Variants in ANAPC10 observed in about 807,000 individuals in gnomAD.
ANAPC10 encodes the protein anaphase promoting complex subunit 10.
A neutral mutation model predicts 22.0 loss-of-function variants in ANAPC10; 12 were observed. The ratio of observed to expected loss-of-function variants is 0.55; its 90% confidence interval spans 0.35 to 0.88. The LOEUF (loss-of-function observed/expected upper bound fraction) is 0.88. ANAPC10 is among the 40% of genes least tolerant of loss of function. The probability of loss-of-function intolerance (pLI) is 0.01; values close to 1 mark genes in which losing one functional copy is unlikely to be tolerated. For missense variants in ANAPC10, 188 were observed against 220.9 expected, an observed-to-expected ratio of 0.85 and a Z score of 0.94; for synonymous variants, 65 against 69.5, an observed-to-expected ratio of 0.94 and a Z score of 0.32.
At chr4:145,024,176 T>C (rs1736336744) in intron 4 of ANAPC10, among the ~76,000 whole-genome samples, 1 of 152,188 alleles carries the variant, frequency 6.6e-6, no homozygotes. Context: ...TAATTCTAGT[T>C]CTCTTGCTAT....
At chr4:145,085,456 A>T (rs1269126107) in intron 2 of ANAPC10, among the ~76,000 whole-genome samples, 1 of 151,464 alleles carries the variant, frequency 6.6e-6, no homozygotes, top group East Asian at 1.9e-4. Context: ...TATTTTGGCT[A>T]CCTCAGCTAG....
chr4:145,087,739 G>C (rs1189194244), intron 2 of ANAPC10, among the ~76,000 whole-genome samples: 1 of 152,118 alleles, frequency 6.6e-6, no homozygotes, highest in Non-Finnish European at 1.5e-5. Context: ...ATAATATGAA[G>C]TATTAGTACA....
intron 3 of ANAPC10, among the ~76,000 whole-genome samples, chr4:145,071,231 ACC>A (rs1303603618): frequency 6.6e-6 from 1 of 152,040 alleles, no homozygotes; most frequent in Non-Finnish European, 1.5e-5. Flanking sequence ...ACATGGAGAA[ACC>A]CCATCTCTAT....
chr4:145,054,628 TGTGTGTGTGTGTGCGCGC>T (rs1741693702), intron 4 of ANAPC10, among the ~76,000 whole-genome samples: 2 of 127,690 alleles, frequency 1.6e-5, no homozygotes, highest in African/African-American at 5.8e-5. Flanking sequence ...TGTGTGTGTG[TGTGTGTGTGTGTGCGCGC>T]GCGCGCGCGT....
At chr4:144,997,379 A>T (rs1731782914) in intron 4 of ANAPC10, among the ~76,000 whole-genome samples, 1 of 152,214 alleles carries the variant, frequency 6.6e-6, no homozygotes. Flanking sequence ...TCAGACTAAT[A>T]GCAGATCTCT....
intron 4 of ANAPC10, among the ~76,000 whole-genome samples, chr4:145,022,915 G>T (rs973540443): frequency 2.0e-5 from 3 of 151,554 alleles, no homozygotes; most frequent in Non-Finnish European, 4.4e-5. Context: ...GGGTACCTGT[G>T]CACAACATGC....
At chr4:145,078,590 A>G (rs1001594704) in intron 3 of ANAPC10, among the ~76,000 whole-genome samples, 2 of 152,168 alleles carry the variant, frequency 1.3e-5, no homozygotes, top group African/African-American at 4.8e-5. Context: ...AAAAAGAACA[A>G]AGCTGGAGGC....
intron 4 of ANAPC10, among the ~76,000 whole-genome samples, chr4:145,012,213 T>C (rs1006697904): frequency 2.7e-5 from 4 of 149,202 alleles, no homozygotes; most frequent in African/African-American, 9.8e-5. Context: ...CACATATATA[T>C]ACATATATAT....
At chr4:145,000,100 C>G (rs1157496629) in intron 4 of ANAPC10, among the ~76,000 whole-genome samples, 4 of 152,132 alleles carry the variant, frequency 2.6e-5, no homozygotes, top group Admixed American at 2.6e-4. Context: ...CATAAAAACC[C>G]TAGAAGAAAA....
Position 145,064,690 on chromosome 4 carries a change from C to T in ANAPC10, c.209G>A (p.Arg70Lys). 1 of 1,506,706 alleles carries T rather than the reference C, an allele frequency of 6.6e-7. No homozygotes were observed. Among genetic ancestry groups the T allele is most frequent in the Non-Finnish European group, 8.9e-7 (1 of 1,122,796 alleles). The allele number at this position is 1,506,706 out of a possible 1,614,324, so 93.3% of individuals were successfully genotyped here. A position where few individuals can be genotyped will look rare whatever the true frequency, so the allele number is the denominator to read the frequency against. Residue 70 changes from arginine to lysine, a missense_variant and splice_region_variant, in exon 4 of 5, where the codon AGA (arginine) becomes AAA (lysine). Coordinates refer to ENST00000507656, the MANE Select transcript of ANAPC10 (RefSeq NM_001256706.2). Reference protein sequence around the residue: ...QPHLVNIQFRRKTTVKTLCIY... With the variant: ...QPHLVNIQFRKKTTVKTLCIY... The stretch of plus-strand genomic sequence containing the variant: ...ACATAATGTCTTCACTGTTGTTTTT[C>T]TTCTAAAAGCAATAAAGTAAAAATA...
intron 2 of ANAPC10, among the ~76,000 whole-genome samples, chr4:145,082,005 C>T (rs1346954598): frequency 6.6e-6 from 1 of 152,092 alleles, no homozygotes; most frequent in African/African-American, 2.4e-5. Flanking sequence ...CCATAGCACC[C>T]AGCTGTGAAA....
chr4:145,054,603 T>C (rs1741665518), intron 4 of ANAPC10, among the ~76,000 whole-genome samples: 1 of 65,686 alleles, frequency 1.5e-5, no homozygotes, highest in Non-Finnish European at 2.7e-5. Flanking sequence ...ACATACTGAA[T>C]AGTGTGTGTG....
chr4:144,996,050 C>T (rs896295820), intron 4 of ANAPC10, among the ~76,000 whole-genome samples: 1 of 152,148 alleles, frequency 6.6e-6, no homozygotes, highest in African/African-American at 2.4e-5. Flanking sequence ...GGCTAGGATT[C>T]ATCAGGGAAG....
intron 2 of ANAPC10, among the ~76,000 whole-genome samples, chr4:145,083,772 T>C (rs1424098925): frequency 6.6e-6 from 1 of 152,216 alleles, no homozygotes; most frequent in Non-Finnish European, 1.5e-5. Flanking sequence ...TGGTTTGTGT[T>C]ACATTTCTGT....
chr4:145,009,223 G>A (rs573226123), intron 4 of ANAPC10, among the ~76,000 whole-genome samples: 2 of 152,198 alleles, frequency 1.3e-5, no homozygotes, highest in African/African-American at 4.8e-5. Flanking sequence ...CTCATGGATA[G>A]GAAGAATCAA....
intron 4 of ANAPC10, among the ~76,000 whole-genome samples, chr4:145,011,882 C>T (rs1358081229): frequency 2.0e-5 from 3 of 152,034 alleles, no homozygotes; most frequent in African/African-American, 7.3e-5. Context: ...GAGTTTAGAA[C>T]TTGCCAAGGG....
At chr4:144,995,951 T>C (rs1731537709) in intron 4 of ANAPC10, among the ~76,000 whole-genome samples, 1 of 152,214 alleles carries the variant, frequency 6.6e-6, no homozygotes, top group Non-Finnish European at 1.5e-5. Flanking sequence ...GATGGCTGAC[T>C]AGACACAAGT....
intron 4 of ANAPC10, among the ~76,000 whole-genome samples, chr4:145,052,033 T>C (rs934039364): frequency 2.0e-5 from 3 of 152,188 alleles, no homozygotes; most frequent in Non-Finnish European, 4.4e-5. Flanking sequence ...GAACTGCATC[T>C]TCTCATTTAT....
intron 4 of ANAPC10, among the ~76,000 whole-genome samples, chr4:144,999,597 G>C (rs1164274294): frequency 1.3e-5 from 2 of 152,150 alleles, no homozygotes; most frequent in South Asian, 2.1e-4. Context: ...TGGATAGGAA[G>C]AATCAATATC....
Sources: gnomAD v4.1 joint callset for allele counts (sites outside exome capture counted in the v4.1 genomes callset) on GRCh38, gnomAD v4.1.1 for gene constraint, MANE v1.5 for transcripts, NCBI Gene and HGNC (gene_info 2026-07-23, HGNC 2026-07-21) for gene names.